The following REV3L variants were observed in gnomAD, a reference collection of about 807,000 sequenced individuals.
The protein encoded by REV3L is DNA polymerase zeta catalytic subunit.
REV3L carries 69 observed loss-of-function variants against 299.4 expected under a neutral mutation model. That is an observed-to-expected ratio of 0.23 (90% CI 0.19 to 0.28). REV3L has a LOEUF of 0.28. Ranked by LOEUF, REV3L falls within the 10% of genes least tolerant of loss-of-function variation. REV3L has a pLI of 1.00. For synonymous variants in REV3L, 1,238 were observed against 1,271.4 expected (o/e 0.97, Z 0.56); for missense variants, 3,128 against 3,693.8 (o/e 0.85, Z 3.97).
At chr6:111,310,269 T>C in intron 29 of REV3L, 170 bp from the exon 30 acceptor site, 1 of 753,398 alleles carries the variant, frequency 1.3e-6, no homozygotes, top group Non-Finnish European at 1.9e-6. Flanking sequence ...TTTTGCTTAG[T>C]TGACACCAAG....
chr6:111,418,143 T>A (rs566613221), intron 1 of REV3L, among the ~76,000 whole-genome samples: 1 of 152,324 alleles, frequency 6.6e-6, no homozygotes, highest in Non-Finnish European at 1.5e-5. Flanking sequence ...GTAACTGGTA[T>A]GCTAAACTAC....
chr6:111,373,275 T>C lies in REV3L; in HGVS notation c.5080A>G (p.Asn1694Asp), dbSNP rs534888716. The C allele has an allele frequency of 6.2e-7, 1 of 1,614,054 alleles. No individual in the cohort carries two copies. The highest frequency in any genetic ancestry group is 1.7e-5 in the Admixed American group (1 of 60,022). Residue 1694 changes from asparagine to aspartate, a missense_variant, in exon 13 of 32, where the codon AAT (asparagine) becomes GAT (aspartate). Asn to Asp is a conservative substitution (Grantham distance 23). Coordinates refer to ENST00000368802, the MANE Select transcript of REV3L (RefSeq NM_001372078.1). ...DLFPGQAIEK[N>D]EFLSHDNQKC... Reference sequence around the variant, plus strand: ...TGGTTGTCATGACTTAAAAACTCATTTTTTTCTATAGCTTGTCCTGGAAAA... The same window carrying C: ...TGGTTGTCATGACTTAAAAACTCATCTTTTTCTATAGCTTGTCCTGGAAAA...
intron 1 of REV3L, chr6:111,431,269 C>T: frequency 1.4e-6 from 2 of 1,470,644 alleles, no homozygotes; most frequent in Non-Finnish European, 9.5e-7. Flanking sequence ...TTAGATGTCA[C>T]TGCCTGAAGA....
chr6:111,337,093 G>A (rs997059261), intron 21 of REV3L, among the ~76,000 whole-genome samples: 1 of 151,820 alleles, frequency 6.6e-6, no homozygotes, highest in Non-Finnish European at 1.5e-5. Flanking sequence ...CTGGTGGAGG[G>A]GGTGATAGGA....
intron 22 of REV3L, 129 bp from the exon 23 acceptor site, chr6:111,333,496 C>T: frequency 8.7e-7 from 1 of 1,148,318 alleles, no homozygotes; most frequent in Non-Finnish European, 1.2e-6. Flanking sequence ...TTTTTTGAGA[C>T]AGTGTTTCGC....
intron 1 of REV3L, among the ~76,000 whole-genome samples, chr6:111,468,291 G>C (rs533037150): frequency 1.2e-3 from 177 of 152,064 alleles, no homozygotes; most frequent in African/African-American, 4.0e-3. Context: ...CAGATATAAA[G>C]ATTATTTATG....
Position 111,380,161 on chromosome 6 carries a change from T to G in REV3L, c.1275A>C (p.Gly425=). 1 of 1,614,074 alleles carries G rather than the reference T, an allele frequency of 6.2e-7. No individual in the cohort carries two copies. Among genetic ancestry groups the G allele is most frequent in the South Asian group, 1.1e-5 (1 of 91,086 alleles). Residue 425 remains glycine, a synonymous_variant, in exon 11 of 32, where the codon GGA becomes GGC. Transcript: ENST00000368802. ...VHLLAGLESD[G]YRGERNRMPS... The stretch of plus-strand genomic sequence containing the variant: ...GCATCCTATTTCTTTCCCCCCGATA[T>G]CCATCACTTTCCAAACCAGCAAGAA...
intron 23 of REV3L, among the ~76,000 whole-genome samples, chr6:111,332,426 T>C (rs1775493466): frequency 6.6e-6 from 1 of 152,228 alleles, no homozygotes. Context: ...TCCTTGTGAA[T>C]ATATTTAAAG....
At position 111,375,746 on chromosome 6, in the gene REV3L, T is replaced by G; in HGVS notation, c.2609A>C (p.Asp870Ala). Residue 870 changes from aspartate (D) to alanine (A), a missense_variant, in exon 13 of 32, where the codon GAT becomes GCT. Coordinates refer to ENST00000368802, the MANE Select transcript of REV3L (RefSeq NM_001372078.1). ...NNPCNSNPEK[D>A]NALASDLTKT... ...AGTTAAATCACTAGCCAATGCATTA[T>G]CCTTCTCAGGATTACTATTACAAGG... 1 of 1,613,876 alleles carries G rather than the reference T, an allele frequency of 6.2e-7. No homozygotes were observed. Among genetic ancestry groups the G allele is most frequent in the Non-Finnish European group, 8.5e-7 (1 of 1,179,794 alleles).
chr6:111,421,400 G>A (rs187125724), intron 1 of REV3L, among the ~76,000 whole-genome samples: 1 of 152,200 alleles, frequency 6.6e-6, no homozygotes, highest in Admixed American at 6.5e-5. Flanking sequence ...AGGCTTTATG[G>A]GACATGCTGT....
intron 1 of REV3L, among the ~76,000 whole-genome samples, chr6:111,439,871 T>C (rs956596879): frequency 6.6e-6 from 1 of 152,194 alleles, no homozygotes; most frequent in African/African-American, 2.4e-5. Context: ...AGACAATGCC[T>C]GACCGCCAAC....
intron 27 of REV3L, among the ~76,000 whole-genome samples, chr6:111,314,608 T>TTGAGGGTA (rs1773324585): frequency 6.6e-6 from 1 of 152,164 alleles, no homozygotes; most frequent in Non-Finnish European, 1.5e-5. Context: ...CCCCTAACAG[T>TTGAGGGTA]CTTCTCAGCT....
At chr6:111,438,934 AAC>A (rs1491449739) in intron 1 of REV3L, among the ~76,000 whole-genome samples, 2 of 151,988 alleles carry the variant, frequency 1.3e-5, no homozygotes, top group African/African-American at 4.8e-5. Context: ...AGACAAAAAA[AAC>A]AGTCAATTTT....
At chr6:111,429,731 C>G (rs575016395) in intron 1 of REV3L, among the ~76,000 whole-genome samples, 2 of 152,166 alleles carry the variant, frequency 1.3e-5, no homozygotes, top group Admixed American at 6.5e-5. Context: ...GCCCCGCTCC[C>G]GCCCTCGGCT....
chr6:111,444,554 G>A (rs986338862), intron 1 of REV3L, among the ~76,000 whole-genome samples: 1 of 152,086 alleles, frequency 6.6e-6, no homozygotes, highest in Non-Finnish European at 1.5e-5. Context: ...AAGAAAAATG[G>A]TGAAAGAATA....
intron 1 of REV3L, among the ~76,000 whole-genome samples, chr6:111,429,788 C>A (rs942629220): frequency 1.4e-4 from 21 of 151,940 alleles, no homozygotes; most frequent in African/African-American, 5.1e-4. Flanking sequence ...GGGCCTGGCG[C>A]GGGGGGTGAG....
In REV3L at chr6:111,422,647, TACATATATATATATAC is replaced by T. The variant is rs1785629433; in HGVS notation, c.140-6191_140-6176del. Among the ~76,000 whole-genome samples, 6 of 20,328 alleles carry T rather than the reference TACATATATATATATAC, an allele frequency of 3.0e-4. 1 individual carries two copies. Among genetic ancestry groups the T allele is most frequent in the Non-Finnish European group, 1.3e-3 (6 of 4,732 alleles). 13.3% of individuals were successfully genotyped at this position (20,328 alleles called of 152,430 possible). On this transcript the variant is annotated intron_variant, in intron 1 of 31. Transcript: ENST00000368802. ...ATATATATACACATATATATATATATACATATATATATATACATATATATATATATACGTATATATA... is the reference window on the plus strand; with the variant it reads ...ATATATATACACATATATATATATATATATATATATATATACGTATATATA...
At chr6:111,365,193 C>G in intron 15 of REV3L, 72 bp downstream of exon 15, 1 of 974,924 alleles carries the variant, frequency 1.0e-6, no homozygotes. Flanking sequence ...ACAAAGTTAA[C>G]AATTATCTAA....
At chr6:111,440,434 A>C (rs1788128481) in intron 1 of REV3L, among the ~76,000 whole-genome samples, 1 of 152,198 alleles carries the variant, frequency 6.6e-6, no homozygotes. Flanking sequence ...TGTGTTGATT[A>C]TAATGGTTCC....
Sources: gnomAD v4.1 joint callset for allele counts (sites outside exome capture counted in the v4.1 genomes callset) on GRCh38, gnomAD v4.1.1 for gene constraint, MANE v1.5 for transcripts, NCBI Gene and HGNC (gene_info 2026-07-23, HGNC 2026-07-21) for gene names.